The following CEP70 variants were observed in gnomAD, a reference collection of about 807,000 sequenced individuals.
CEP70 encodes centrosomal protein of 70 kDa.
CEP70 carries 70 observed loss-of-function variants against 90.9 expected under a neutral mutation model. The ratio of observed to expected loss-of-function variants is 0.77; its 90% CI spans 0.64 to 0.94. The LOEUF (loss-of-function observed/expected upper bound fraction) is 0.94, where lower values mean the gene tolerates loss of function less well. Among genes scored for constraint, CEP70 ranks in the 40% least tolerant of loss-of-function variants. The probability of loss-of-function intolerance (pLI) is 0.00; values close to 1 mark genes in which losing one functional copy is unlikely to be tolerated. For missense variants in CEP70, 648 were observed against 669.0 expected, an observed-to-expected ratio of 0.97 and a Z score of 0.35; for synonymous variants, 220 against 228.3, an observed-to-expected ratio of 0.96 and a Z score of 0.33.
At chr3:138,550,511 G>A (rs1029352068) in intron 6 of CEP70, among the ~76,000 whole-genome samples, 19 of 152,114 alleles carry the variant, frequency 1.2e-4, no homozygotes, top group African/African-American at 4.6e-4. Context: ...TTACAGGCAT[G>A]TGCCACCACG....
rs371646120 is a variant in CEP70, at chr3:138,529,192, C to A, written c.869+7G>T. 4.6e-6 allele frequency: 7 copies of A among 1,529,306 alleles called. No individual in the cohort carries two copies. Among genetic ancestry groups the A allele is most frequent in the African/African-American group, 1.4e-5 (1 of 71,360 alleles). The allele number at this position is 1,529,306 out of a possible 1,614,324, so 94.7% of individuals were successfully genotyped here. On this transcript the variant is annotated splice_region_variant and intron_variant, in intron 10 of 17. Coordinates refer to ENST00000264982, the MANE Select transcript of CEP70 (RefSeq NM_024491.4). ...GAAAAAAAAAAAAAAAATTAAGTTT[C>A]TCTCACCTGGTTTCCAAATCTTTTT...
chr3:138,500,947 CA>C (rs2034454499), intron 13 of CEP70, 66 bp from the exon 14 acceptor site: 1 of 660,524 alleles, frequency 1.5e-6, no homozygotes, highest in Non-Finnish European at 2.2e-6. Context: ...CATAATAGAA[CA>C]TAATTAGTAA....
chr3:138,535,061 G>A (rs896341715), intron 7 of CEP70, among the ~76,000 whole-genome samples: 4 of 152,112 alleles, frequency 2.6e-5, no homozygotes, highest in African/African-American at 9.7e-5. Flanking sequence ...ACAGAAAGTA[G>A]AACTCAAACT....
intron 13 of CEP70, 40 bp downstream of exon 13, chr3:138,505,255 A>C: frequency 6.7e-7 from 1 of 1,482,552 alleles, no homozygotes; most frequent in Non-Finnish European, 9.1e-7. Flanking sequence ...CATAGAGTCC[A>C]ATAGATGTTC....
At chr3:138,569,688 C>T (rs2041033442) in intron 6 of CEP70, among the ~76,000 whole-genome samples, 1 of 151,980 alleles carries the variant, frequency 6.6e-6, no homozygotes, top group South Asian at 2.1e-4. Flanking sequence ...GGTAACATGG[C>T]AAAAGCCTGT....
intron 6 of CEP70, among the ~76,000 whole-genome samples, chr3:138,566,269 G>A (rs1325238635): frequency 6.6e-6 from 1 of 152,124 alleles, no homozygotes; most frequent in African/African-American, 2.4e-5. Flanking sequence ...ACAGTGTGGT[G>A]ATTCCTCAAG....
At chr3:138,524,839 T>G (rs949840215) in intron 11 of CEP70, among the ~76,000 whole-genome samples, 5 of 152,202 alleles carry the variant, frequency 3.3e-5, no homozygotes, top group African/African-American at 1.2e-4. Context: ...GTTCAACCAT[T>G]GTGGAAGACA....
At chr3:138,577,111 T>C (rs2041579252) in intron 2 of CEP70, among the ~76,000 whole-genome samples, 1 of 151,818 alleles carries the variant, frequency 6.6e-6, no homozygotes, top group African/African-American at 2.4e-5. Flanking sequence ...AACCAAACAC[T>C]GCATGTTCTC....
chr3:138,586,876 G>T (rs765052972), intron 2 of CEP70, among the ~76,000 whole-genome samples: 5 of 151,982 alleles, frequency 3.3e-5, no homozygotes, highest in African/African-American at 1.2e-4. Context: ...TAAGATGGTG[G>T]CTACCTCATT....
At position 138,570,399 on chromosome 3, in the gene CEP70, T is replaced by C; in HGVS notation, c.384A>G (p.Glu128=). The change falls in exon 6 of 18, where the codon GAA becomes GAG. Residue 128 remains glutamate, a synonymous_variant. Transcript: ENST00000264982. ...CCCTACTTAGTGATTCATCCTCCAATTCACCAATTTTGGATTTCACACTTT... is the reference window on the plus strand; with the variant it reads ...CCCTACTTAGTGATTCATCCTCCAACTCACCAATTTTGGATTTCACACTTT... ...IMESVKSKIG[E]LEDESLSRAC... 6.2e-7 allele frequency: 1 copy of C among 1,609,178 alleles called. No homozygotes were observed. Among genetic ancestry groups the C allele is most frequent in the Middle Eastern group, 1.7e-4 (1 of 6,054 alleles).
In CEP70 at chr3:138,500,573, C is replaced by A. The variant is rs1435385026; in HGVS notation, c.1369-6G>T. The A allele has an allele frequency of 3.8e-6, 6 of 1,570,670 alleles. No individual in the cohort carries two copies. Among genetic ancestry groups the A allele is most frequent in the East Asian group, 2.2e-5 (1 of 44,508 alleles). On this transcript the variant is annotated splice_region_variant and splice_polypyrimidine_tract_variant and intron_variant, in intron 14 of 17. Transcript: ENST00000264982. ...AAGTGTGGCATATTGCTGTCCTGTC[C>A]AAAAAAGAGGTAAAAAAGAAAGAGT...
chr3:138,497,383 G>T, intron 17 of CEP70: 2 of 1,201,224 alleles, frequency 1.7e-6, no homozygotes, highest in Non-Finnish European at 2.1e-6. Flanking sequence ...ATTCACTGGT[G>T]AATACATCAC....
At position 138,572,875 on chromosome 3, in the gene CEP70, A is replaced by C. The variant is rs965999753; in HGVS notation, c.53T>G (p.Leu18Arg). 1 of 1,602,346 alleles carries C rather than the reference A, an allele frequency of 6.2e-7. No homozygotes were observed. Among genetic ancestry groups the C allele is most frequent in the African/African-American group, 1.3e-5 (1 of 74,646 alleles). ...PQDSSQPSDR[L>R]MTEKQQEEAE... ...TAAGTTTACCTGTTTTTCAGTCATG[A>C]GTCTGTCTGATGGTTGACTGGAATC... is the stretch of plus-strand genomic sequence containing the variant. The change falls in exon 3 of 18, where the codon CTC (leucine) becomes CGC (arginine). Residue 18 changes from leucine to arginine, a missense_variant. By Grantham distance (102) the Leu-to-Arg change is moderately radical. Coordinates refer to ENST00000264982, the MANE Select transcript of CEP70 (RefSeq NM_024491.4).
chr3:138,495,985 T>G, intron 17 of CEP70: 1 of 985,370 alleles, frequency 1.0e-6, no homozygotes, highest in Non-Finnish European at 1.2e-6. Flanking sequence ...TTTGACAGGC[T>G]CTTTCTGAAT....
chr3:138,505,906 T>C (rs2034947145), intron 12 of CEP70, among the ~76,000 whole-genome samples: 1 of 152,304 alleles, frequency 6.6e-6, no homozygotes, highest in African/African-American at 2.4e-5. Context: ...GATTCGGATG[T>C]CAATCTCATC....
At chr3:138,552,172 G>T (rs2107962441) in intron 6 of CEP70, among the ~76,000 whole-genome samples, 1 of 152,176 alleles carries the variant, frequency 6.6e-6, no homozygotes, top group South Asian at 2.1e-4. Flanking sequence ...CCAAATTTAT[G>T]AAACAACTAC....
intron 2 of CEP70, among the ~76,000 whole-genome samples, chr3:138,586,472 C>T (rs1371749904): frequency 6.6e-6 from 1 of 152,154 alleles, no homozygotes; most frequent in African/African-American, 2.4e-5. Context: ...GGTACATATA[C>T]ATAATGGAGT....
Position 138,500,572 on chromosome 3 carries a change from C to A in CEP70, c.1369-5G>T. ...AAAGTGTGGCATATTGCTGTCCTGTCCAAAAAAGAGGTAAAAAAGAAAGAG... is the reference window on the plus strand; with the variant it reads ...AAAGTGTGGCATATTGCTGTCCTGTACAAAAAAGAGGTAAAAAAGAAAGAG... On this transcript the variant is annotated splice_region_variant and splice_polypyrimidine_tract_variant and intron_variant, in intron 14 of 17. Transcript: ENST00000264982. 1 of 1,571,894 alleles carries A rather than the reference C, an allele frequency of 6.4e-7. No individual in the cohort carries two copies. Among genetic ancestry groups the A allele is most frequent in the South Asian group, 1.2e-5 (1 of 83,438 alleles).
chr3:138,544,513 A>G (rs1433613373), intron 6 of CEP70, among the ~76,000 whole-genome samples: 2 of 145,300 alleles, frequency 1.4e-5, no homozygotes, highest in Non-Finnish European at 3.0e-5. Flanking sequence ...CAGAGTGTGT[A>G]TGTATGTATG....
Sources: gnomAD v4.1 joint callset for allele counts (sites outside exome capture counted in the v4.1 genomes callset) on GRCh38, gnomAD v4.1.1 for gene constraint, MANE v1.5 for transcripts, NCBI Gene and HGNC (gene_info 2026-07-23, HGNC 2026-07-21) for gene names.